Variants in SLC30A6 observed in about 807,000 individuals in gnomAD.
SLC30A6 encodes the protein zinc transporter 6.
In SLC30A6, 55 loss-of-function variants were observed where a neutral mutation model predicts 63.0. The ratio of observed to expected loss-of-function variants is 0.87; its 90% CI spans 0.70 to 1.09. The LOEUF is 1.09. SLC30A6 is among the 50% of genes least tolerant of loss of function. The pLI is 0.00. For synonymous variants in SLC30A6, 224 were observed against 186.1 expected (o/e 1.20, Z -1.66); for missense variants, 587 against 549.2 (o/e 1.07, Z -0.69).
Position 32,192,411 on chromosome 2 carries a change from A to G in SLC30A6, c.360A>G (p.Lys120=). 1 of 1,613,322 alleles carries G rather than the reference A, an allele frequency of 6.2e-7. No individual in the cohort carries two copies. Among genetic ancestry groups the G allele is most frequent in the Non-Finnish European group, 8.5e-7 (1 of 1,179,296 alleles). ...LAQLGALFIL[K]ESAERFLEQP... is the part of the protein sequence containing the mutation. Reference sequence around the variant, plus strand: ...AGTTGGGAGCTCTCTTTATATTAAAAGAAAGGTACATTTGTATAGGATATT... The same window carrying G: ...AGTTGGGAGCTCTCTTTATATTAAAGGAAAGGTACATTTGTATAGGATATT... The change falls in exon 6 of 14, where the codon AAA becomes AAG. Residue 120 remains lysine (K), a synonymous_variant. Coordinates refer to ENST00000282587, the MANE Select transcript of SLC30A6 (RefSeq NM_017964.5).
At chr2:32,188,073 C>A (rs1481844942) in intron 5 of SLC30A6, among the ~76,000 whole-genome samples, 1 of 152,112 alleles carries the variant, frequency 6.6e-6, no homozygotes, top group African/African-American at 2.4e-5. Context: ...ATGATCAGGA[C>A]CCTGCCTACT....
Position 32,197,839 on chromosome 2 carries a change from T to G in SLC30A6, c.665+13T>G. 2 of 1,613,044 alleles carry G rather than the reference T, an allele frequency of 1.2e-6. No individual in the cohort carries two copies. The highest frequency in any genetic ancestry group is 1.7e-6 in the Non-Finnish European group (2 of 1,179,540). Reference sequence around the variant, plus strand: ...TCATTGAAATTAAGTGAGTATTTTTTATTGTTGTCAAGTATGTTTTGATTT... The same window carrying G: ...TCATTGAAATTAAGTGAGTATTTTTGATTGTTGTCAAGTATGTTTTGATTT... On this transcript the variant is annotated intron_variant, in intron 10 of 13. Coordinates refer to ENST00000282587, the MANE Select transcript of SLC30A6 (RefSeq NM_017964.5).
At chr2:32,208,556 A>G (rs1338218135) in intron 12 of SLC30A6, among the ~76,000 whole-genome samples, 2 of 151,864 alleles carry the variant, frequency 1.3e-5, no homozygotes, top group Non-Finnish European at 2.9e-5. Context: ...CTGGGATTAC[A>G]GGCATGAGCC....
At chr2:32,198,089 G>A (rs1391919924) in intron 10 of SLC30A6, among the ~76,000 whole-genome samples, 1 of 152,158 alleles carries the variant, frequency 6.6e-6, no homozygotes. Context: ...ACAGAAAAGA[G>A]AACAGTAAGA....
chr2:32,175,457 CT>C, intron 4 of SLC30A6, 96 bp downstream of exon 4: 1 of 995,400 alleles, frequency 1.0e-6, no homozygotes. Flanking sequence ...ACAGCAACTA[CT>C]GATATCTTAC....
chr2:32,201,568 C>G (rs1211608343), intron 10 of SLC30A6: 1 of 1,300,116 alleles, frequency 7.7e-7, no homozygotes, highest in African/African-American at 1.5e-5. Flanking sequence ...GTTGTGGCCA[C>G]TGTGCCCGGA....
chr2:32,215,186 A>G (rs1171479524), intron 13 of SLC30A6, among the ~76,000 whole-genome samples: 1 of 151,836 alleles, frequency 6.6e-6, no homozygotes, highest in African/African-American at 2.4e-5. Flanking sequence ...TGGACATTTT[A>G]TTTAATTTTA....
chr2:32,197,289 A>T, intron 8 of SLC30A6, 55 bp from the exon 9 acceptor site: 1 of 1,458,608 alleles, frequency 6.9e-7, no homozygotes, highest in Non-Finnish European at 9.3e-7. Context: ...CAAATATTTC[A>T]GGTAGTGGTT....
intron 4 of SLC30A6, among the ~76,000 whole-genome samples, chr2:32,182,116 G>A (rs886829876): frequency 1.3e-5 from 2 of 151,514 alleles, no homozygotes; most frequent in African/African-American, 4.8e-5. Flanking sequence ...GTGTATTTTT[G>A]TGGTGATGGG....
At chr2:32,190,708 T>A (rs1320303265) in intron 5 of SLC30A6, among the ~76,000 whole-genome samples, 1 of 152,134 alleles carries the variant, frequency 6.6e-6, no homozygotes, top group Non-Finnish European at 1.5e-5. Context: ...CACTTCAACC[T>A]CCATCTCCCA....
intron 4 of SLC30A6, among the ~76,000 whole-genome samples, chr2:32,180,210 T>C (rs888810745): frequency 2.6e-5 from 4 of 152,214 alleles, no homozygotes; most frequent in Non-Finnish European, 5.9e-5. Context: ...AAGACCAGCC[T>C]GGGCAATACA....
At chr2:32,211,618 T>A (rs1685261807) in intron 13 of SLC30A6, among the ~76,000 whole-genome samples, 2 of 152,208 alleles carry the variant, frequency 1.3e-5, no homozygotes, top group East Asian at 1.9e-4. Flanking sequence ...TCTTCTTTTT[T>A]TTTTTATTTT....
At chr2:32,181,540 G>A (rs1010492280) in intron 4 of SLC30A6, among the ~76,000 whole-genome samples, 6 of 152,096 alleles carry the variant, frequency 3.9e-5, no homozygotes, top group African/African-American at 1.4e-4. Context: ...TATCTATAGA[G>A]TATTATTTAC....
chr2:32,220,373 A>T lies in SLC30A6; in HGVS notation c.1046A>T (p.Asn349Ile), dbSNP rs746794566. Residue 349 changes from asparagine to isoleucine, a missense_variant, in exon 14 of 14, where the codon AAT becomes ATT. Coordinates refer to ENST00000282587, the MANE Select transcript of SLC30A6 (RefSeq NM_017964.5). ...PALLSGPVAA[N>I]VLNFSDHHVI... ...TTATTGTCTGGGCCTGTTGCAGCCA[A>T]TGTCCTAAACTTTTCAGATCATCAC... is the stretch of plus-strand genomic sequence containing the variant. 2.5e-6 allele frequency: 4 copies of T among 1,614,088 alleles called. No homozygotes were observed. The highest frequency in any genetic ancestry group is 3.4e-6 in the Non-Finnish European group (4 of 1,180,038).
chr2:32,216,462 G>C (rs894974203), intron 13 of SLC30A6, among the ~76,000 whole-genome samples: 1 of 151,984 alleles, frequency 6.6e-6, no homozygotes, highest in Non-Finnish European at 1.5e-5. Context: ...TTTGAACCCA[G>C]GAGGTGGAGG....
At chr2:32,178,035 C>A (rs1408556014) in intron 4 of SLC30A6, among the ~76,000 whole-genome samples, 1 of 150,876 alleles carries the variant, frequency 6.6e-6, no homozygotes, top group African/African-American at 2.4e-5. Context: ...GCAATCTCCG[C>A]CTCCCAGGTT....
In SLC30A6 at chr2:32,204,641, AT is replaced by A; in HGVS notation, c.720del (p.Phe240LeufsTer7). ...ASAIAIALMT[F>X]GTMYPMSVYS... ...CTGCTATAGCTATTGCCTTGATGAC[AT>A]TTGGCACTATGTATCCCATGAGTGT... On this transcript the variant is annotated frameshift_variant, in exon 11 of 14. Transcript: ENST00000282587. LOFTEE classifies it high-confidence loss of function. 6.2e-7 allele frequency: 1 copy of A among 1,612,986 alleles called. No homozygotes were observed. Among genetic ancestry groups the A allele is most frequent in the Non-Finnish European group, 8.5e-7 (1 of 1,179,432 alleles).
At position 32,204,638 on chromosome 2, in the gene SLC30A6, G is replaced by T; in HGVS notation, c.714G>T (p.Met238Ile). The T allele has an allele frequency of 6.2e-7, 1 of 1,612,824 alleles. No individual in the cohort carries two copies. Among genetic ancestry groups the T allele is most frequent in the South Asian group, 1.1e-5 (1 of 91,030 alleles). ...DTASAIAIAL[M>I]TFGTMYPMSV... ...CCTCTGCTATAGCTATTGCCTTGAT[G>T]ACATTTGGCACTATGTATCCCATGA... The change falls in exon 11 of 14, where the codon ATG becomes ATT. Residue 238 changes from methionine (M) to isoleucine (I), a missense_variant. Met to Ile is a conservative substitution (Grantham distance 10). Coordinates refer to ENST00000282587, the MANE Select transcript of SLC30A6 (RefSeq NM_017964.5).
chr2:32,207,796 G>A (rs1278485157), intron 12 of SLC30A6, among the ~76,000 whole-genome samples: 1 of 150,102 alleles, frequency 6.7e-6, no homozygotes, highest in Non-Finnish European at 1.5e-5. Flanking sequence ...CGCCTCCTGA[G>A]TTCAAGTGAT....
Sources: allele counts gnomAD v4.1 joint callset (sites outside exome capture counted in the v4.1 genomes callset), GRCh38; gene constraint gnomAD v4.1.1; transcripts MANE v1.5; gene names NCBI Gene and HGNC (gene_info 2026-07-23, HGNC 2026-07-21).